CCDC159: variants seen among roughly 807,000 people sequenced by gnomAD.
CCDC159 encodes coiled-coil domain-containing protein 159.
CCDC159 carries 40 observed loss-of-function variants against 50.9 expected under a neutral mutation model. The ratio of observed to expected loss-of-function variants is 0.79; its 90% CI spans 0.61 to 1.02. The LOEUF (loss-of-function observed/expected upper bound fraction) is 1.02, where lower values mean the gene tolerates loss of function less well. Ranked by LOEUF, CCDC159 falls within the 50% of genes least tolerant of loss-of-function variation. CCDC159 has a pLI of 0.00. For missense variants in CCDC159, 356 were observed against 371.5 expected (o/e 0.96, Z 0.34); for synonymous variants, 146 against 138.9 (o/e 1.05, Z -0.36).
intron 5 of CCDC159, 132 bp downstream of exon 5, chr19:11,351,135 G>C: frequency 2.1e-6 from 2 of 959,910 alleles, no homozygotes; most frequent in Non-Finnish European, 3.0e-6. Context: ...GAAAGCCTGA[G>C]GGACAAGAAG....
intron 1 of CCDC159, chr19:11,349,302 C>A: frequency 1.5e-6 from 1 of 682,928 alleles, no homozygotes; most frequent in Non-Finnish European, 2.2e-6. Flanking sequence ...TGAATGCACC[C>A]ACTGTGTTTC....
At chr19:11,348,745 C>T (rs750922757) in intron 1 of CCDC159, 8 of 502,536 alleles carry the variant, frequency 1.6e-5, no homozygotes, top group Non-Finnish European at 2.4e-5. Flanking sequence ...CTTCCCTACT[C>T]ACAGCGACCC....
Position 11,354,836 on chromosome 19 carries a change from A to G in CCDC159, c.890-37A>G, listed in dbSNP as rs756009906. The G allele has an allele frequency of 3.1e-6, 5 of 1,612,454 alleles. No homozygotes were observed. In the South Asian group the frequency reaches 5.5e-5, roughly 18 times the overall value. On this transcript the variant is annotated intron_variant, in intron 10 of 10. Coordinates refer to ENST00000458408, the MANE Select transcript of CCDC159 (RefSeq NM_001080503.3). ...GACCTGCAGCCCCGGAGTCCCCTGGACCTGGCCAGGCCCTGACCCACCCTC... is the reference window on the plus strand; with the variant it reads ...GACCTGCAGCCCCGGAGTCCCCTGGGCCTGGCCAGGCCCTGACCCACCCTC...
At position 11,354,651 on chromosome 19, in the gene CCDC159, C is replaced by G. The variant is rs1167775393; in HGVS notation, c.844C>G (p.Leu282Val). Residue 282 changes from leucine (L) to valine (V), a missense_variant, in exon 10 of 11, where the codon CTC (leucine) becomes GTC (valine). Physicochemically the swap from Leu to Val is conservative, Grantham distance 32. Transcript: ENST00000458408. Reference protein sequence around the residue: ...WDSDSDCDQDLSQPPFSKSGR... With the variant: ...WDSDSDCDQDVSQPPFSKSGR... Reference sequence around the variant, plus strand: ...CTCTGACTCCGACTGTGACCAGGACCTCTCCCAGCCACCTTTCAGCAAGAG... The same window carrying G: ...CTCTGACTCCGACTGTGACCAGGACGTCTCCCAGCCACCTTTCAGCAAGAG... 1 of 1,606,706 alleles carries G rather than the reference C, an allele frequency of 6.2e-7. No homozygotes were observed. Among genetic ancestry groups the G allele is most frequent in the Non-Finnish European group, 8.5e-7 (1 of 1,176,550 alleles).
chr19:11,352,607 T>TA (rs560594539), intron 7 of CCDC159: 6,593 of 136,746 alleles, frequency 0.048, 189 homozygotes, highest in African/African-American at 0.071. Context: ...ACTCCCATCT[T>TA]AAAAAAAAAA....
chr19:11,352,458 T>C, intron 7 of CCDC159: 1 of 294,358 alleles, frequency 3.4e-6, no homozygotes, highest in South Asian at 3.2e-5. Flanking sequence ...ATACAAAAAT[T>C]AGCTGGGTGT....
Position 11,354,878 on chromosome 19 carries a change from G to A in CCDC159, c.*1G>A. ...CCCACCCTCTCTCTCCACAGCTTGA[G>A]CAGCCGGGACTGCTCTCCCTGAAGA... On this transcript the variant is annotated 3_prime_UTR_variant, in exon 11 of 11. Transcript: ENST00000458408. 1 of 1,613,512 alleles carries A rather than the reference G, an allele frequency of 6.2e-7. No homozygotes were observed. The highest frequency in any genetic ancestry group is 1.1e-5 in the South Asian group (1 of 91,074).
In CCDC159 at chr19:11,354,583, A is replaced by G. The variant is rs1967779010; in HGVS notation, c.776A>G (p.His259Arg). ...ACPKASSLRGHKGHQCLSPPL... is the reference protein window; with the variant it reads ...ACPKASSLRGRKGHQCLSPPL... ...AGGGAACCTGTCCCTCCTGCAGGCC[A>G]CAAGGGGCACCAGTGCCTGAGCCCT... Residue 259 changes from histidine to arginine, a missense_variant, in exon 10 of 11, where the codon CAC (histidine) becomes CGC (arginine). His to Arg is a conservative substitution (Grantham distance 29, BLOSUM62 0). Transcript: ENST00000458408. 6.3e-7 allele frequency: 1 copy of G among 1,583,874 alleles called. No homozygotes were observed. The highest frequency in any genetic ancestry group is 1.8e-5 in the Admixed American group (1 of 55,118).
At chr19:11,347,434 G>A (rs767379247) in intron 1 of CCDC159, among the ~76,000 whole-genome samples, 5 of 152,152 alleles carry the variant, frequency 3.3e-5, no homozygotes, top group African/African-American at 7.2e-5. Context: ...AGGTTCAAGC[G>A]ACTCTCCTGC....
At chr19:11,353,279 T>A in intron 7 of CCDC159, 172 bp from the exon 8 acceptor site, 1 of 551,894 alleles carries the variant, frequency 1.8e-6, no homozygotes, top group Non-Finnish European at 2.8e-6. Flanking sequence ...TTTTTGTATT[T>A]TTAGTAGAGA....
chr19:11,349,883 CT>C, intron 2 of CCDC159, 54 bp from the exon 3 acceptor site: 1 of 1,554,134 alleles, frequency 6.4e-7, no homozygotes, highest in Non-Finnish European at 8.9e-7. Context: ...CTGCCCTGCC[CT>C]TGCCCCAGAC....
At chr19:11,354,736 T>C (rs781149615) in intron 10 of CCDC159, 40 bp downstream of exon 10, 10 of 1,581,052 alleles carry the variant, frequency 6.3e-6, no homozygotes, top group Non-Finnish European at 7.8e-6. Context: ...CCCATTTCCC[T>C]CCTGACCTGC....
At position 11,350,857 on chromosome 19, in the gene CCDC159, G is replaced by A. The variant is rs746161848; in HGVS notation, c.276G>A (p.Trp92Ter). Reference sequence around the variant, plus strand: ...AGGGAGAGAAGGAGGAGCACAAGTGGGGCATGGAGCAGGGCCGGCAGGAGC... The same window carrying A: ...AGGGAGAGAAGGAGGAGCACAAGTGAGGCATGGAGCAGGGCCGGCAGGAGC... ...GRQGEKEEHK[W>*]GMEQGRQELY... The change falls in exon 5 of 11, where the codon TGG (tryptophan) becomes TGA (stop). Residue 92 changes from tryptophan to a stop codon, truncating the protein, a stop_gained. Transcript: ENST00000458408. LOFTEE classifies it high-confidence loss of function. The A allele has an allele frequency of 1.3e-6, 2 of 1,551,710 alleles. No individual in the cohort carries two copies. Among genetic ancestry groups the A allele is most frequent in the South Asian group, 2.4e-5 (2 of 84,054 alleles).
chr19:11,346,529 C>G lies in CCDC159; in HGVS notation c.-78C>G. 1 of 1,514,494 alleles carries G rather than the reference C, an allele frequency of 6.6e-7. No homozygotes were observed. The highest frequency in any genetic ancestry group is 9.0e-7 in the Non-Finnish European group (1 of 1,113,392). The allele number at this position is 1,514,494 out of a possible 1,614,324, so 93.8% of individuals were successfully genotyped here. A position where few individuals can be genotyped will look rare whatever the true frequency, so the allele number is the denominator to read the frequency against. On this transcript the variant is annotated 5_prime_UTR_variant, in exon 1 of 11. Transcript: ENST00000458408. ...CACACCCCTCTCTGTGACTCAGTCT[C>G]TGAGCGTTTTAATACGATGGTGTCC...
At chr19:11,349,385 A>T (rs968111304) in intron 1 of CCDC159, 6 of 529,168 alleles carry the variant, frequency 1.1e-5, no homozygotes, top group Non-Finnish European at 2.0e-5. Context: ...GGATGAAGGA[A>T]TGAATGGAAG....
At position 11,354,916 on chromosome 19, in the gene CCDC159, GAAAAT is replaced by G; in HGVS notation, c.*43_*47del. The G allele has an allele frequency of 6.2e-7, 1 of 1,608,954 alleles. No homozygotes were observed. Among genetic ancestry groups the G allele is most frequent in the Non-Finnish European group, 8.5e-7 (1 of 1,175,614 alleles). On this transcript the variant is annotated 3_prime_UTR_variant, in exon 11 of 11. Transcript: ENST00000458408. ...CTCTCCCTGAAGACCCCTCCAGAGA[GAAAAT>G]AAACTAGCCCAGACCCTCCTCTAGC...
chr19:11,346,720 T>C, intron 1 of CCDC159, 93 bp downstream of exon 1: 1 of 1,413,610 alleles, frequency 7.1e-7, no homozygotes, highest in Admixed American at 2.2e-5. Context: ...CCTCCCTAAA[T>C]AATTCTCCCG....
chr19:11,350,732 G>C, intron 4 of CCDC159, 76 bp from the exon 5 acceptor site: 1 of 1,397,760 alleles, frequency 7.2e-7, no homozygotes, highest in Middle Eastern at 2.6e-4. Flanking sequence ...GGAGAGTCTG[G>C]GTTCTGGGTC....
Position 11,349,956 on chromosome 19 carries a change from T to C in CCDC159, c.74T>C (p.Ile25Thr), listed in dbSNP as rs748924037. 6.2e-7 allele frequency: 1 copy of C among 1,613,724 alleles called. No homozygotes were observed. Among genetic ancestry groups the C allele is most frequent in the African/African-American group, 1.3e-5 (1 of 74,880 alleles). ...CCCACAGCCAAGACCATTGTGATGA[T>C]TCCCGACTCCCAGAAGCTCCTGCGA... ...SKVKAKTIVM[I>T]PDSQKLLRCE... Residue 25 changes from isoleucine to threonine, a missense_variant, in exon 3 of 11, where the codon ATT becomes ACT. Ile to Thr is a moderately conservative substitution (Grantham distance 89). Transcript: ENST00000458408.
Sources: gnomAD v4.1 joint callset for allele counts (sites outside exome capture counted in the v4.1 genomes callset) on GRCh38, gnomAD v4.1.1 for gene constraint, MANE v1.5 for transcripts, NCBI Gene and HGNC (gene_info 2026-07-23, HGNC 2026-07-21) for gene names.